The following LIN28B variants were observed in gnomAD, a reference collection of about 807,000 sequenced individuals.
The protein encoded by LIN28B is lin-28 RNA binding posttranscriptional regulator B.
In LIN28B, 5 loss-of-function variants were observed where a neutral mutation model predicts 21.9. The ratio of observed to expected loss-of-function variants is 0.23; its 90% CI spans 0.12 to 0.48. LIN28B has a LOEUF of 0.48. LIN28B is among the 20% of genes least tolerant of loss of function. LIN28B has a pLI of 0.98. For missense variants in LIN28B, 245 were observed against 310.5 expected (o/e 0.79, Z 1.58); for synonymous variants, 109 against 111.3 (o/e 0.98, Z 0.13).
At chr6:105,046,111 C>CA (rs1771754654) in intron 3 of LIN28B, among the ~76,000 whole-genome samples, 1 of 152,140 alleles carries the variant, frequency 6.6e-6, no homozygotes, top group Admixed American at 6.5e-5. Flanking sequence ...TGGTGTGCTG[C>CA]ATCCATTAAC....
chr6:105,044,805 G>T (rs902966017), intron 3 of LIN28B, among the ~76,000 whole-genome samples: 1 of 152,062 alleles, frequency 6.6e-6, no homozygotes, highest in African/African-American at 2.4e-5. Flanking sequence ...CCTCTTGCCC[G>T]ACTAGTGCAC....
At chr6:105,036,146 C>T (rs948232230) in intron 3 of LIN28B, among the ~76,000 whole-genome samples, 6 of 152,036 alleles carry the variant, frequency 3.9e-5, no homozygotes, top group African/African-American at 1.4e-4. Flanking sequence ...AACTATAGAT[C>T]AGTTGATATC....
chr6:104,937,168 C>T (rs914172668), intron 2 of LIN28B: 1 of 152,124 alleles, frequency 6.6e-6, no homozygotes, highest in Non-Finnish European at 1.5e-5. Context: ...GAGATAGGAT[C>T]TCACTCAGTC....
At chr6:104,960,868 C>T (rs929881126) in intron 2 of LIN28B, among the ~76,000 whole-genome samples, 16 of 152,072 alleles carry the variant, frequency 1.1e-4, no homozygotes, top group African/African-American at 3.9e-4. Flanking sequence ...AGTTACATAA[C>T]TCTACTTAAA....
At chr6:105,041,122 G>A (rs1283624037) in intron 3 of LIN28B, among the ~76,000 whole-genome samples, 1 of 151,612 alleles carries the variant, frequency 6.6e-6, no homozygotes, top group African/African-American at 2.4e-5. Flanking sequence ...ATGTTGCCCA[G>A]GCTGTTCTTG....
chr6:104,976,687 A>G (rs1770102193), intron 2 of LIN28B, among the ~76,000 whole-genome samples: 1 of 152,166 alleles, frequency 6.6e-6, no homozygotes, highest in Non-Finnish European at 1.5e-5. Flanking sequence ...ATACCTAGGA[A>G]ATTGTCAGCC....
At chr6:104,980,132 T>G (rs1189967890) in intron 2 of LIN28B, among the ~76,000 whole-genome samples, 1 of 152,206 alleles carries the variant, frequency 6.6e-6, no homozygotes, top group Non-Finnish European at 1.5e-5. Flanking sequence ...TACTTAGAGA[T>G]CAGTTTCACT....
chr6:104,976,636 G>C (rs1199393087), intron 2 of LIN28B, among the ~76,000 whole-genome samples: 2 of 152,194 alleles, frequency 1.3e-5, no homozygotes, highest in Non-Finnish European at 2.9e-5. Context: ...TGCAGGGAAG[G>C]CTTTTACAAA....
intron 3 of LIN28B, among the ~76,000 whole-genome samples, chr6:105,030,816 G>C (rs971723756): frequency 4.0e-5 from 6 of 151,638 alleles, no homozygotes; most frequent in African/African-American, 1.2e-4. Flanking sequence ...GGCTGGTCTC[G>C]AATCCTGGAC....
chr6:105,020,901 C>T (rs1486770827), intron 2 of LIN28B, among the ~76,000 whole-genome samples: 2 of 151,804 alleles, frequency 1.3e-5, no homozygotes, highest in Non-Finnish European at 1.5e-5. Context: ...TACAGACGCC[C>T]ACCACCACGC....
intron 3 of LIN28B, among the ~76,000 whole-genome samples, chr6:105,064,783 G>T (rs1030458051): frequency 1.3e-5 from 2 of 152,100 alleles, no homozygotes; most frequent in Non-Finnish European, 2.9e-5. Context: ...AAAATATTTA[G>T]TGTCTTTGTT....
Position 105,080,797 on chromosome 6 carries a change from C to T in LIN28B, c.*2014C>T, listed in dbSNP as rs1248337591. ...CTCAATTTTTAGCAGGTATAATAAG[C>T]AGGTTAACAGTAAAAATGCAAAACA... is the stretch of plus-strand genomic sequence containing the variant. On this transcript the variant is annotated 3_prime_UTR_variant, in exon 4 of 4. Coordinates refer to ENST00000345080, the MANE Select transcript of LIN28B (RefSeq NM_001004317.4). 6.6e-6 allele frequency: 1 copy of T among 152,526 alleles called. No homozygotes were observed. The highest frequency in any genetic ancestry group is 1.5e-5 in the Non-Finnish European group (1 of 68,010). The allele number at this position is 152,526 out of a possible 1,614,324, so 9.4% of individuals were successfully genotyped here.
At chr6:104,950,778 T>C (rs1778212429) in intron 3 of LIN28B, among the ~76,000 whole-genome samples, 1 of 152,028 alleles carries the variant, frequency 6.6e-6, no homozygotes, top group Non-Finnish European at 1.5e-5. Context: ...GTGATTCCTT[T>C]TTCTGTAACT....
At chr6:104,976,671 T>C (rs561154187) in intron 2 of LIN28B, among the ~76,000 whole-genome samples, 1 of 152,310 alleles carries the variant, frequency 6.6e-6, no homozygotes, top group Non-Finnish European at 1.5e-5. Flanking sequence ...GAGATGGGCC[T>C]TGGAAATACC....
At chr6:104,958,076 T>C in intron 1 of LIN28B, 23 bp from the exon 2 acceptor site, 1 of 1,511,880 alleles carries the variant, frequency 6.6e-7, no homozygotes, top group Non-Finnish European at 9.0e-7. Flanking sequence ...ACAGACTGAC[T>C]TTTTTGTCCT....
intron 3 of LIN28B, among the ~76,000 whole-genome samples, chr6:105,036,157 C>T (rs1020143712): frequency 2.0e-5 from 3 of 151,994 alleles, no homozygotes; most frequent in African/African-American, 7.3e-5. Context: ...AGTTGATATC[C>T]CTTCTTAGTT....
At chr6:105,040,719 A>T (rs908526936) in intron 3 of LIN28B, among the ~76,000 whole-genome samples, 9 of 152,010 alleles carry the variant, frequency 5.9e-5, no homozygotes, top group African/African-American at 2.2e-4. Context: ...TTTTGTAGTT[A>T]AAAAAATTGT....
intron 3 of LIN28B, among the ~76,000 whole-genome samples, chr6:105,039,129 T>C (rs1047202041): frequency 1.3e-5 from 2 of 152,204 alleles, no homozygotes; most frequent in Non-Finnish European, 2.9e-5. Flanking sequence ...TTTTAAAAAA[T>C]GAGATAGAAT....
intron 2 of LIN28B, among the ~76,000 whole-genome samples, chr6:104,938,775 T>C (rs934889812): frequency 5.3e-5 from 8 of 152,210 alleles, no homozygotes; most frequent in African/African-American, 1.9e-4. Flanking sequence ...CTATCAATGT[T>C]CATCATCGCC....
Sources: gnomAD v4.1 joint callset for allele counts (sites outside exome capture counted in the v4.1 genomes callset) on GRCh38, gnomAD v4.1.1 for gene constraint, MANE v1.5 for transcripts, NCBI Gene and HGNC (gene_info 2026-07-23, HGNC 2026-07-21) for gene names.